Variants in UNC5D observed in about 807,000 individuals in gnomAD.
The protein encoded by UNC5D is netrin receptor UNC5D.
Under a neutral mutation model 105.4 loss-of-function variants are expected in UNC5D, and 39 were observed. The ratio of observed to expected loss-of-function variants is 0.37; its 90% CI spans 0.29 to 0.48. UNC5D has a LOEUF of 0.48. Ranked by LOEUF, UNC5D falls within the 20% of genes least tolerant of loss-of-function variation. The pLI is 0.98. For synonymous variants in UNC5D, 452 were observed against 450.4 expected (o/e 1.00, Z -0.04); for missense variants, 991 against 1,202.4 (o/e 0.82, Z 2.60).
chr8:35,515,171 G>A (rs774308085), intron 1 of UNC5D, among the ~76,000 whole-genome samples: 3 of 152,006 alleles, frequency 2.0e-5, no homozygotes, highest in African/African-American at 4.8e-5. Context: ...TCTTGTATTC[G>A]GCAAAACTTT....
chr8:35,236,650 C>T (rs891559845), intron 1 of UNC5D, among the ~76,000 whole-genome samples: 1 of 152,204 alleles, frequency 6.6e-6, no homozygotes, highest in Non-Finnish European at 1.5e-5. Flanking sequence ...TTCTTGGATC[C>T]TCTGGACTCC....
chr8:35,331,736 A>G (rs1257424344), intron 1 of UNC5D, among the ~76,000 whole-genome samples: 1 of 152,200 alleles, frequency 6.6e-6, no homozygotes, highest in South Asian at 2.1e-4. Flanking sequence ...ACCTCCTGAC[A>G]GCGTAAAATA....
At chr8:35,634,383 T>C (rs561914705) in intron 4 of UNC5D, among the ~76,000 whole-genome samples, 5 of 152,276 alleles carry the variant, frequency 3.3e-5, no homozygotes, top group Admixed American at 2.0e-4. Context: ...GTAGCAAAGG[T>C]TGCAGAATAG....
intron 1 of UNC5D, among the ~76,000 whole-genome samples, chr8:35,370,865 T>C (rs1404166411): frequency 1.3e-5 from 2 of 152,212 alleles, no homozygotes; most frequent in Admixed American, 6.5e-5. Context: ...GGATAATTTA[T>C]ATAGAATTAC....
chr8:35,272,495 T>G (rs1997312), intron 1 of UNC5D, among the ~76,000 whole-genome samples: 54,914 of 152,014 alleles, frequency 0.36, 10,909 homozygotes, highest in Middle Eastern at 0.46. Flanking sequence ...ACAGTGGCTC[T>G]TTAGAGTGTT....
intron 1 of UNC5D, among the ~76,000 whole-genome samples, chr8:35,459,880 A>G (rs1808765702): frequency 6.6e-6 from 1 of 152,164 alleles, no homozygotes; most frequent in South Asian, 2.1e-4. Flanking sequence ...ACTGAAAAAC[A>G]TTTGCATGAA....
intron 1 of UNC5D, among the ~76,000 whole-genome samples, chr8:35,305,245 A>G (rs1297809999): frequency 2.0e-5 from 3 of 152,164 alleles, no homozygotes; most frequent in South Asian, 2.1e-4. Context: ...TTGAATATAA[A>G]TGAAGAAATA....
intron 1 of UNC5D, among the ~76,000 whole-genome samples, chr8:35,546,789 A>C (rs1432326043): frequency 1.3e-5 from 2 of 151,516 alleles, no homozygotes; most frequent in Admixed American, 1.3e-4. Context: ...CATTTTAAAT[A>C]TAATTAAAAT....
chr8:35,352,952 C>G (rs1299674525), intron 1 of UNC5D, among the ~76,000 whole-genome samples: 1 of 152,080 alleles, frequency 6.6e-6, no homozygotes, highest in Non-Finnish European at 1.5e-5. Context: ...GACCGATATA[C>G]TTTTGCCTTT....
intron 16 of UNC5D, among the ~76,000 whole-genome samples, chr8:35,781,098 T>G (rs1802482775): frequency 6.6e-6 from 1 of 152,138 alleles, no homozygotes; most frequent in South Asian, 2.1e-4. Context: ...GTTTTTTTGG[T>G]TCTGGTCCAG....
chr8:35,316,031 T>C (rs976534922), intron 1 of UNC5D, among the ~76,000 whole-genome samples: 2 of 152,130 alleles, frequency 1.3e-5, no homozygotes, highest in African/African-American at 4.8e-5. Flanking sequence ...AGCTACATGA[T>C]GGAGAATGTA....
chr8:35,707,882 C>T (rs183273818), intron 8 of UNC5D, among the ~76,000 whole-genome samples: 4 of 152,158 alleles, frequency 2.6e-5, no homozygotes, highest in Admixed American at 6.5e-5. Flanking sequence ...GCAACGGAAT[C>T]GCTTAAACTG....
chr8:35,280,174 T>C (rs1420135774), intron 1 of UNC5D, among the ~76,000 whole-genome samples: 1 of 152,144 alleles, frequency 6.6e-6, no homozygotes, highest in African/African-American at 2.4e-5. Flanking sequence ...TTTTATATTT[T>C]TAGTAGAGTT....
At chr8:35,409,642 A>C (rs1805030451) in intron 1 of UNC5D, among the ~76,000 whole-genome samples, 2 of 151,898 alleles carry the variant, frequency 1.3e-5, no homozygotes, top group Non-Finnish European at 2.9e-5. Flanking sequence ...TCTGAGTATA[A>C]ATTTTTTATT....
At chr8:35,422,319 T>G (rs973599361) in intron 1 of UNC5D, among the ~76,000 whole-genome samples, 3 of 152,200 alleles carry the variant, frequency 2.0e-5, no homozygotes, top group Non-Finnish European at 4.4e-5. Context: ...AAGACTGGGT[T>G]TCATTGGGAG....
intron 1 of UNC5D, among the ~76,000 whole-genome samples, chr8:35,247,028 G>C (rs138789429): frequency 6.6e-6 from 1 of 152,098 alleles, no homozygotes; most frequent in Non-Finnish European, 1.5e-5. Flanking sequence ...GAAGTTGCTT[G>C]CTTGGCTTTT....
chr8:35,297,178 T>A (rs903270265), intron 1 of UNC5D, among the ~76,000 whole-genome samples: 3 of 152,176 alleles, frequency 2.0e-5, no homozygotes, highest in Non-Finnish European at 4.4e-5. Flanking sequence ...ACTTTTTTCC[T>A]GACACCTCCC....
chr8:35,335,208 A>G (rs1438163589), intron 1 of UNC5D, among the ~76,000 whole-genome samples: 3 of 152,102 alleles, frequency 2.0e-5, no homozygotes, highest in African/African-American at 7.2e-5. Context: ...GATTGTTTCC[A>G]CCTTTCTGAC....
Position 35,700,344 on chromosome 8 carries a change from G to A in UNC5D, c.1085-5585G>A, listed in dbSNP as rs150607566. On this transcript the variant is annotated intron_variant, in intron 7 of 16. Transcript: ENST00000404895. ...TTTTTCTTGCTGTGACTCTGTGGTC[G>A]CAGTGTCACACAAATAAGCATTTAA... Among the ~76,000 whole-genome samples, 359 of 151,950 alleles carry A rather than the reference G, an allele frequency of 2.4e-3. 1 individual carries two copies. Among genetic ancestry groups the A allele is most frequent in the African/African-American group, 8.1e-3 (336 of 41,450 alleles).
Sources: allele counts gnomAD v4.1 joint callset (sites outside exome capture counted in the v4.1 genomes callset), GRCh38; gene constraint gnomAD v4.1.1; transcripts MANE v1.5; gene names NCBI Gene and HGNC (gene_info 2026-07-23, HGNC 2026-07-21).